Variants in SERPINI1 observed in about 807,000 individuals in gnomAD.
SERPINI1 encodes neuroserpin.
SERPINI1 carries 19 observed loss-of-function variants against 41.1 expected under a neutral mutation model. The observed-to-expected ratio is 0.46, with a 90% CI of 0.32 to 0.68. The LOEUF (loss-of-function observed/expected upper bound fraction) is 0.68. Among genes scored for constraint, SERPINI1 ranks in the 30% least tolerant of loss-of-function variants. The pLI, the probability that SERPINI1 is intolerant of heterozygous loss-of-function variation, is 0.03. For missense variants in SERPINI1, 460 were observed against 479.2 expected, an observed-to-expected ratio of 0.96 and a Z score of 0.37; for synonymous variants, 138 against 156.6, an observed-to-expected ratio of 0.88 and a Z score of 0.89.
intron 1 of SERPINI1, among the ~76,000 whole-genome samples, chr3:167,772,690 A>G (rs970115531): frequency 2.0e-5 from 3 of 151,272 alleles, no homozygotes; most frequent in African/African-American, 7.3e-5. Flanking sequence ...TCTGACACAT[A>G]CCTTGGAGTC....
Position 167,753,535 on chromosome 3 carries a change from A to G in SERPINI1, c.-19+17712A>G, listed in dbSNP as rs568175574. On this transcript the variant is annotated intron_variant, in intron 1 of 8. Coordinates refer to ENST00000446050, the MANE Select transcript of SERPINI1 (RefSeq NM_001122752.2). The stretch of plus-strand genomic sequence containing the variant: ...AATTCTCACATTTTTTACAAGAGTG[A>G]TTCTCAGAGGCCTTGGGACCCTATG... Among the ~76,000 whole-genome samples, 7 of 152,258 alleles carry G rather than the reference A, an allele frequency of 4.6e-5. No homozygotes were observed. The East Asian group carries it at 1.4e-3, about 29-fold the overall frequency.
At chr3:167,786,014 T>C (rs868029483) in intron 1 of SERPINI1, among the ~76,000 whole-genome samples, 5 of 152,202 alleles carry the variant, frequency 3.3e-5, no homozygotes, top group South Asian at 2.1e-4. Context: ...CTAGATAGCA[T>C]AGCCTACTAC....
At chr3:167,819,994 T>C (rs1712254457) in intron 6 of SERPINI1, among the ~76,000 whole-genome samples, 1 of 152,182 alleles carries the variant, frequency 6.6e-6, no homozygotes, top group South Asian at 2.1e-4. Flanking sequence ...AACCCCAAGA[T>C]TGAATGCCAT....
intron 7 of SERPINI1, among the ~76,000 whole-genome samples, chr3:167,823,404 T>C (rs1033947673): frequency 6.6e-6 from 1 of 152,242 alleles, no homozygotes; most frequent in Non-Finnish European, 1.5e-5. Context: ...ACATTTTTCT[T>C]CCTACCAAAT....
Position 167,792,784 on chromosome 3 carries a change from G to A in SERPINI1, c.676G>A (p.Gly226Arg). 1.2e-6 allele frequency: 2 copies of A among 1,611,926 alleles called. No individual in the cohort carries two copies. Among genetic ancestry groups the A allele is most frequent in the Non-Finnish European group, 1.7e-6 (2 of 1,178,418 alleles). The change falls in exon 4 of 9, where the codon GGG (glycine) becomes AGG (arginine). Residue 226 changes from glycine (G) to arginine (R), a missense_variant and splice_region_variant. Physicochemically the swap from Gly to Arg is moderately radical, Grantham distance 125. Transcript: ENST00000446050. ...GTATCAGCAAGGAGAATTTTATTATGGTAAGACATTTTTTGCTTTTATTTC... is the reference window on the plus strand; with the variant it reads ...GTATCAGCAAGGAGAATTTTATTATAGTAAGACATTTTTTGCTTTTATTTC... ...MMYQQGEFYY[G>R]EFSDGSNEAG...
At chr3:167,786,095 T>C (rs1235857325) in intron 1 of SERPINI1, among the ~76,000 whole-genome samples, 1 of 152,224 alleles carries the variant, frequency 6.6e-6, no homozygotes, top group Non-Finnish European at 1.5e-5. Flanking sequence ...GTACTGAATA[T>C]GGTAGGCAGT....
chr3:167,782,340 C>T (rs1266242388), intron 1 of SERPINI1, among the ~76,000 whole-genome samples: 1 of 152,130 alleles, frequency 6.6e-6, no homozygotes, highest in Non-Finnish European at 1.5e-5. Context: ...GACAATACCA[C>T]TTTGTCAGGC....
At chr3:167,741,671 G>C (rs1215377386) in intron 1 of SERPINI1, among the ~76,000 whole-genome samples, 1 of 152,174 alleles carries the variant, frequency 6.6e-6, no homozygotes, top group Non-Finnish European at 1.5e-5. Flanking sequence ...TTTAATTGTT[G>C]TGTACTTCAC....
At chr3:167,768,778 G>T (rs187147703) in intron 1 of SERPINI1, among the ~76,000 whole-genome samples, 39 of 152,304 alleles carry the variant, frequency 2.6e-4, no homozygotes, top group African/African-American at 9.1e-4. Context: ...TGGTTGAAGG[G>T]CATCATCATG....
chr3:167,797,826 A>G (rs1457346822), intron 5 of SERPINI1, among the ~76,000 whole-genome samples: 1 of 152,098 alleles, frequency 6.6e-6, no homozygotes, highest in Non-Finnish European at 1.5e-5. Context: ...TTACTTTTGA[A>G]CATGAATGAT....
chr3:167,764,223 T>G (rs559328816), intron 1 of SERPINI1, among the ~76,000 whole-genome samples: 1 of 152,082 alleles, frequency 6.6e-6, no homozygotes, highest in Non-Finnish European at 1.5e-5. Flanking sequence ...ACTGCTGTGA[T>G]TATTAAGCCA....
chr3:167,792,291 T>C (rs558236597), intron 3 of SERPINI1, among the ~76,000 whole-genome samples: 1 of 152,172 alleles, frequency 6.6e-6, no homozygotes, highest in Admixed American at 6.6e-5. Flanking sequence ...TAGTATTATT[T>C]CAGGTGATAC....
intron 1 of SERPINI1, among the ~76,000 whole-genome samples, chr3:167,758,657 A>G (rs1053633963): frequency 6.6e-6 from 1 of 152,222 alleles, no homozygotes; most frequent in Admixed American, 6.5e-5. Context: ...GAGACTAAGG[A>G]CATGTGGCAA....
At chr3:167,812,249 C>T (rs1471691096) in intron 6 of SERPINI1, among the ~76,000 whole-genome samples, 1 of 152,172 alleles carries the variant, frequency 6.6e-6, no homozygotes, top group Non-Finnish European at 1.5e-5. Flanking sequence ...TAGATCATTC[C>T]AGTTCCTGTT....
At chr3:167,773,403 A>G (rs893154843) in intron 1 of SERPINI1, among the ~76,000 whole-genome samples, 6 of 150,474 alleles carry the variant, frequency 4.0e-5, no homozygotes, top group Admixed American at 1.3e-4. Context: ...CTTGTGAAGA[A>G]CTACAATATT....
At chr3:167,787,519 A>T (rs1000603227) in intron 1 of SERPINI1, among the ~76,000 whole-genome samples, 2 of 152,154 alleles carry the variant, frequency 1.3e-5, no homozygotes, top group Non-Finnish European at 2.9e-5. Context: ...CAGCCCCCCA[A>T]CGGTGGCTGA....
chr3:167,824,322 T>G (rs929023199), intron 7 of SERPINI1, 151 bp from the exon 8 acceptor site: 8 of 582,842 alleles, frequency 1.4e-5, no homozygotes, highest in African/African-American at 1.3e-4. Flanking sequence ...GTTAACACCT[T>G]TATAATTTTT....
chr3:167,815,355 G>T (rs1712043041), intron 6 of SERPINI1, among the ~76,000 whole-genome samples: 1 of 151,520 alleles, frequency 6.6e-6, no homozygotes, highest in Admixed American at 6.6e-5. Context: ...TTTCCCCTTA[G>T]TACCTGTGAT....
intron 3 of SERPINI1, 107 bp from the exon 4 acceptor site, chr3:167,792,483 A>G (rs1362105628): frequency 2.4e-6 from 2 of 832,628 alleles, no homozygotes; most frequent in Non-Finnish European, 3.8e-6. Context: ...AATTTGGTGT[A>G]CAGTTTCTCT....
Sources: gnomAD v4.1 joint callset for allele counts (sites outside exome capture counted in the v4.1 genomes callset) on GRCh38, gnomAD v4.1.1 for gene constraint, MANE v1.5 for transcripts, NCBI Gene and HGNC (gene_info 2026-07-23, HGNC 2026-07-21) for gene names.